The following RBFOX1 variants were observed in gnomAD, a reference collection of about 807,000 sequenced individuals.
The protein encoded by RBFOX1 is RNA binding fox-1 homolog 1.
In RBFOX1, 8 loss-of-function variants were observed where a neutral mutation model predicts 57.7. The observed-to-expected ratio is 0.14, with a 90% CI of 0.08 to 0.25. The LOEUF (loss-of-function observed/expected upper bound fraction) is 0.25. Ranked by LOEUF, RBFOX1 falls within the 10% of genes least tolerant of loss-of-function variation. RBFOX1 has a pLI of 1.00. For synonymous variants in RBFOX1, 326 were observed against 222.4 expected, an observed-to-expected ratio of 1.47 and a Z score of -4.15; for missense variants, 611 against 548.5, an observed-to-expected ratio of 1.11 and a Z score of -1.14.
At chr16:5,463,330 T>A (rs763931249) in intron 1 of RBFOX1, among the ~76,000 whole-genome samples, 5 of 152,186 alleles carry the variant, frequency 3.3e-5, no homozygotes, top group Non-Finnish European at 1.5e-5. Context: ...TGAAGTGCGT[T>A]GCTTTTCAAG....
chr16:6,006,557 G>A lies in RBFOX1; in HGVS notation c.351+139222G>A, dbSNP rs114029691. On this transcript the variant is annotated intron_variant, in intron 4 of 19. Transcript: ENST00000641259. ...AGACAGAAGGGTCCTCACTGATGAA[G>A]CATTTGGCTCCAGCATTGCCTAAAG... 6.6e-3 allele frequency among the ~76,000 whole-genome samples: 1,011 copies of A among 152,314 alleles called. 15 individuals carry two copies. Among genetic ancestry groups the A allele is most frequent in the African/African-American group, 0.022 (921 of 41,560 alleles).
chr16:6,321,049 C>T (rs548401066), intron 2 of RBFOX1, among the ~76,000 whole-genome samples: 2 of 152,322 alleles, frequency 1.3e-5, no homozygotes, highest in Middle Eastern at 3.4e-3. Flanking sequence ...CTACGTCGGC[C>T]TCCCAAAGCG....
chr16:5,277,344 T>C (rs2063165993), intron 1 of RBFOX1, among the ~76,000 whole-genome samples: 1 of 152,102 alleles, frequency 6.6e-6, no homozygotes, highest in Admixed American at 6.5e-5. Flanking sequence ...ACTATATACA[T>C]TGGGTAAACT....
At chr16:5,944,570 G>T (rs1236127626) in intron 4 of RBFOX1, among the ~76,000 whole-genome samples, 2 of 151,776 alleles carry the variant, frequency 1.3e-5, no homozygotes, top group African/African-American at 4.8e-5. Flanking sequence ...TGTGAGTCAT[G>T]CCTCAGTTTC....
intron 3 of RBFOX1, among the ~76,000 whole-genome samples, chr16:6,760,419 A>G (rs1436964360): frequency 6.6e-6 from 1 of 152,232 alleles, no homozygotes; most frequent in Non-Finnish European, 1.5e-5. Flanking sequence ...TGCTCTTACA[A>G]GAAGTGATAC....
intron 1 of RBFOX1, among the ~76,000 whole-genome samples, chr16:6,081,611 C>T (rs1172042430): frequency 6.6e-6 from 1 of 152,124 alleles, no homozygotes; most frequent in African/African-American, 2.4e-5. Context: ...AAGAGCTTCC[C>T]GTGAGGTTGA....
At chr16:6,028,671 A>G (rs894358685) in intron 1 of RBFOX1, among the ~76,000 whole-genome samples, 2 of 152,086 alleles carry the variant, frequency 1.3e-5, no homozygotes, top group African/African-American at 4.8e-5. Context: ...ACAGAGCAAG[A>G]CCCTATCTGT....
intron 1 of RBFOX1, among the ~76,000 whole-genome samples, chr16:6,179,014 A>G (rs186084629): frequency 2.6e-5 from 4 of 152,336 alleles, no homozygotes; most frequent in Non-Finnish European, 2.9e-5. Context: ...ATACCACTCA[A>G]CAAGCCATCT....
At chr16:6,367,008 C>T (rs750295935) in intron 2 of RBFOX1, among the ~76,000 whole-genome samples, 6 of 152,180 alleles carry the variant, frequency 3.9e-5, no homozygotes, top group Non-Finnish European at 7.3e-5. Context: ...CCTTGTCTTC[C>T]TTATGCTGCC....
At chr16:5,545,202 C>T (rs979812997) in intron 2 of RBFOX1, among the ~76,000 whole-genome samples, 1 of 151,904 alleles carries the variant, frequency 6.6e-6, no homozygotes, top group African/African-American at 2.4e-5. Flanking sequence ...GGTCTTGAAA[C>T]CTTGACCTCA....
intron 2 of RBFOX1, among the ~76,000 whole-genome samples, chr16:6,644,333 A>G (rs931507496): frequency 1.3e-5 from 2 of 152,246 alleles, no homozygotes; most frequent in Non-Finnish European, 2.9e-5. Context: ...TGCACCTTGA[A>G]TGCTTTTTGG....
intron 4 of RBFOX1, among the ~76,000 whole-genome samples, chr16:5,886,927 A>G (rs2057914079): frequency 6.6e-6 from 1 of 152,126 alleles, no homozygotes; most frequent in South Asian, 2.1e-4. Context: ...ATTGTGTCCT[A>G]TGACCAGTCA....
chr16:6,417,707 TAAA>T (rs1555463885), intron 2 of RBFOX1, among the ~76,000 whole-genome samples: 6 of 146,620 alleles, frequency 4.1e-5, no homozygotes, highest in African/African-American at 1.2e-4. Flanking sequence ...CCTTTCTTTT[TAAA>T]AAAAAAAAAA....
intron 3 of RBFOX1, among the ~76,000 whole-genome samples, chr16:6,988,731 A>ATTTTTTTTTTTTT (rs111959126): frequency 1.1e-5 from 1 of 91,294 alleles, no homozygotes; most frequent in African/African-American, 5.3e-5. Context: ...CACCCAGCTA[A>ATTTTTTTTTTTTT]TTTTTTTTTT....
intron 4 of RBFOX1, among the ~76,000 whole-genome samples, chr16:7,054,363 C>T (rs2051298162): frequency 6.6e-6 from 1 of 150,988 alleles, no homozygotes; most frequent in African/African-American, 2.4e-5. Flanking sequence ...CCTCAGCCTC[C>T]AGAGTCGCTG....
chr16:6,241,592 C>T (rs1260412706), intron 1 of RBFOX1, among the ~76,000 whole-genome samples: 1 of 152,130 alleles, frequency 6.6e-6, no homozygotes, highest in Non-Finnish European at 1.5e-5. Context: ...AATGAACAGC[C>T]TGTGAATTAG....
chr16:6,211,188 C>CTTTTT (rs71142694), intron 1 of RBFOX1, among the ~76,000 whole-genome samples: 1 of 91,308 alleles, frequency 1.1e-5, no homozygotes, highest in Admixed American at 1.1e-4. Flanking sequence ...TTTTCTTCTT[C>CTTTTT]TTTTTTTTTT....
chr16:7,699,353 A>C (rs892207225), intron 14 of RBFOX1, among the ~76,000 whole-genome samples: 1 of 152,096 alleles, frequency 6.6e-6, no homozygotes, highest in African/African-American at 2.4e-5. Flanking sequence ...TACCACACCC[A>C]GCTGATATCT....
chr16:5,412,481 G>T (rs1226092526), intron 1 of RBFOX1, among the ~76,000 whole-genome samples: 3 of 152,178 alleles, frequency 2.0e-5, no homozygotes, highest in Admixed American at 1.3e-4. Context: ...ATCTGAAGCA[G>T]TCCAAGATTT....
Sources: allele counts gnomAD v4.1 joint callset (sites outside exome capture counted in the v4.1 genomes callset), GRCh38; gene constraint gnomAD v4.1.1; transcripts MANE v1.5; gene names NCBI Gene and HGNC (gene_info 2026-07-23, HGNC 2026-07-21).